Variants in RAPGEF1 observed in about 807,000 individuals in gnomAD.
The protein encoded by RAPGEF1 is CRK SH3-binding GNRP.
Under a neutral mutation model 143.3 loss-of-function variants are expected in RAPGEF1, and 33 were observed. The observed-to-expected ratio is 0.23, with a 90% CI of 0.17 to 0.31. The LOEUF is 0.31. Ranked by LOEUF, RAPGEF1 falls within the 10% of genes least tolerant of loss-of-function variation. RAPGEF1 has a pLI of 1.00. For synonymous variants in RAPGEF1, 629 were observed against 676.5 expected, an observed-to-expected ratio of 0.93 and a Z score of 1.09; for missense variants, 1,199 against 1,645.4, an observed-to-expected ratio of 0.73 and a Z score of 4.69.
At chr9:131,700,506 C>G (rs1589047737) in intron 1 of RAPGEF1, among the ~76,000 whole-genome samples, 1 of 152,164 alleles carries the variant, frequency 6.6e-6, no homozygotes, top group African/African-American at 2.4e-5. Flanking sequence ...TCTTATTTTC[C>G]TCATTAGGTA....
chr9:131,579,447 A>C lies in RAPGEF1; in HGVS notation c.*50T>G. The C allele has an allele frequency of 6.3e-7, 1 of 1,598,908 alleles. No homozygotes were observed. Among genetic ancestry groups the C allele is most frequent in the Non-Finnish European group, 8.5e-7 (1 of 1,171,318 alleles). On this transcript the variant is annotated 3_prime_UTR_variant, in exon 27 of 27. Transcript: ENST00000683357. ...GGTCCAAGGTCCTCTCCGGTCTGGG[A>C]GCTGCCCTCTGCGCCCCTCGAGCAT...
intron 16 of RAPGEF1, among the ~76,000 whole-genome samples, chr9:131,597,547 T>G (rs569608281): frequency 2.6e-5 from 4 of 152,304 alleles, no homozygotes; most frequent in Non-Finnish European, 5.9e-5. Context: ...GGGCCAAGGC[T>G]GCTTTATGAA....
chr9:131,727,356 G>C (rs1261237247), intron 1 of RAPGEF1, among the ~76,000 whole-genome samples: 1 of 152,074 alleles, frequency 6.6e-6, no homozygotes, highest in African/African-American at 2.4e-5. Flanking sequence ...TTCTCCCTGG[G>C]GACAAGGTCC....
In RAPGEF1 at chr9:131,604,001, G is replaced by A. The variant is rs1408491504; in HGVS notation, c.2372C>T (p.Ser791Phe). The change falls in exon 14 of 27, where the codon TCC (serine) becomes TTC (phenylalanine). Residue 791 changes from serine to phenylalanine, a missense_variant. This residue lies in a region of RAPGEF1 where 293 missense variants were observed against 356.2 expected (regional missense o/e 0.82). Coordinates refer to ENST00000683357, the MANE Select transcript of RAPGEF1 (RefSeq NM_001377935.1). ...AGEGEYVNLY[S>F]SGQSSEELAP... is the part of the protein sequence containing the mutation. ...CAGCTCCTCGCTGCTCTGGCCAGAG[G>A]AATACAGATTGACATATTCACCCTC... is the stretch of plus-strand genomic sequence containing the variant. The A allele has an allele frequency of 1.5e-6, 2 of 1,340,648 alleles. No individual in the cohort carries two copies. The highest frequency in any genetic ancestry group is 4.0e-5 in the Admixed American group (2 of 49,840). 83.0% of individuals were successfully genotyped at this position (1,340,648 alleles called of 1,614,324 possible). A position where few individuals can be genotyped will look rare whatever the true frequency, so the allele number is the denominator to read the frequency against.
chr9:131,693,945 TTC>T (rs368109010), intron 1 of RAPGEF1, among the ~76,000 whole-genome samples: 8 of 149,884 alleles, frequency 5.3e-5, no homozygotes, highest in East Asian at 2.0e-4. Flanking sequence ...CTCAATCAGT[TTC>T]TCTCTCTCTC....
At chr9:131,669,674 T>G (rs1273662855) in intron 1 of RAPGEF1, among the ~76,000 whole-genome samples, 1 of 152,104 alleles carries the variant, frequency 6.6e-6, no homozygotes, top group Non-Finnish European at 1.5e-5. Context: ...TGCAGAGGGC[T>G]GGGATAGAAG....
At chr9:131,692,040 T>C (rs1186488535) in intron 1 of RAPGEF1, among the ~76,000 whole-genome samples, 2 of 152,246 alleles carry the variant, frequency 1.3e-5, no homozygotes, top group African/African-American at 4.8e-5. Flanking sequence ...TTAAGTTCAA[T>C]ATGAGTCTGC....
intron 12 of RAPGEF1, among the ~76,000 whole-genome samples, chr9:131,607,614 CTG>C (rs1410428128): frequency 3.3e-5 from 5 of 152,132 alleles, no homozygotes; most frequent in Admixed American, 3.3e-4. Context: ...CCTTGTATGA[CTG>C]TTTCAGGGAG....
chr9:131,594,873 G>A (rs1018656650), intron 17 of RAPGEF1, among the ~76,000 whole-genome samples: 13 of 152,200 alleles, frequency 8.5e-5, no homozygotes, highest in East Asian at 1.9e-4. Flanking sequence ...CTTTGGAGCC[G>A]AGGTCTGAAG....
At position 131,739,798 on chromosome 9, in the gene RAPGEF1, C is replaced by A; in HGVS notation, c.33G>T (p.Pro11=). ...CTTTCTCGATCTTGCCGGACATTTCCGGGCTGCGCCGGAGGCCGAGGCCGC... is the reference window on the plus strand; with the variant it reads ...CTTTCTCGATCTTGCCGGACATTTCAGGGCTGCGCCGGAGGCCGAGGCCGC... MSGGLGLRRS[P]EMSGKIEKAD... Residue 11 remains proline, a synonymous_variant, in exon 1 of 27, where the codon CCG becomes CCT. Coordinates refer to ENST00000683357, the MANE Select transcript of RAPGEF1 (RefSeq NM_001377935.1). 1 of 1,160,218 alleles carries A rather than the reference C, an allele frequency of 8.6e-7. No homozygotes were observed. Among genetic ancestry groups the A allele is most frequent in the Non-Finnish European group, 1.1e-6 (1 of 924,694 alleles). The allele number at this position is 1,160,218 out of a possible 1,614,324, so 71.9% of individuals were successfully genotyped here.
intron 5 of RAPGEF1, among the ~76,000 whole-genome samples, chr9:131,636,380 T>G (rs1966379920): frequency 6.6e-6 from 1 of 152,258 alleles, no homozygotes; most frequent in Non-Finnish European, 1.5e-5. Context: ...TGTGGAAAAG[T>G]TATTTGCTCT....
chr9:131,715,508 G>C (rs1835798723), intron 1 of RAPGEF1, among the ~76,000 whole-genome samples: 1 of 152,074 alleles, frequency 6.6e-6, no homozygotes, highest in Non-Finnish European at 1.5e-5. Context: ...CAAACCACGT[G>C]TTCATTCTTC....
intron 3 of RAPGEF1, among the ~76,000 whole-genome samples, chr9:131,648,242 T>C (rs1564618278): frequency 1.3e-5 from 2 of 151,968 alleles, no homozygotes; most frequent in Admixed American, 1.3e-4. Context: ...AATACAAAAA[T>C]TAGCCAGGCG....
At position 131,598,183 on chromosome 9, in the gene RAPGEF1, C is replaced by T; in HGVS notation, c.2613+16G>A. On this transcript the variant is annotated intron_variant, in intron 16 of 26. Coordinates refer to ENST00000683357, the MANE Select transcript of RAPGEF1 (RefSeq NM_001377935.1). ...GTGGGGCCAGGCTGCAAAGCCCCAG[C>T]CCGGGAAGTTCTCACCTCCTGCTTG... 6.2e-7 allele frequency: 1 copy of T among 1,608,528 alleles called. No individual in the cohort carries two copies. The highest frequency in any genetic ancestry group is 8.5e-7 in the Non-Finnish European group (1 of 1,175,268).
chr9:131,731,602 G>C (rs1359973051), intron 1 of RAPGEF1, among the ~76,000 whole-genome samples: 1 of 152,138 alleles, frequency 6.6e-6, no homozygotes, highest in Non-Finnish European at 1.5e-5. Flanking sequence ...TACAGTGTGT[G>C]GCTGGGAATC....
chr9:131,733,639 G>A (rs560702355), intron 1 of RAPGEF1, among the ~76,000 whole-genome samples: 8 of 152,248 alleles, frequency 5.3e-5, no homozygotes, highest in South Asian at 4.2e-4. Flanking sequence ...GGGGCAAGAC[G>A]GGTGACGAGT....
At chr9:131,720,305 C>T (rs1054975224) in intron 1 of RAPGEF1, among the ~76,000 whole-genome samples, 5 of 152,158 alleles carry the variant, frequency 3.3e-5, no homozygotes, top group Admixed American at 2.0e-4. Context: ...TTCTTTGTTA[C>T]GTCATCATCA....
chr9:131,734,949 A>G (rs1240444109), intron 1 of RAPGEF1, among the ~76,000 whole-genome samples: 1 of 152,260 alleles, frequency 6.6e-6, no homozygotes, highest in Non-Finnish European at 1.5e-5. Context: ...AACTGCTCCA[A>G]GGTGACAGGA....
intron 16 of RAPGEF1, 56 bp from the exon 17 acceptor site, chr9:131,596,429 A>G: frequency 6.4e-7 from 1 of 1,556,796 alleles, no homozygotes; most frequent in Non-Finnish European, 8.9e-7. Flanking sequence ...TCAGAGAATC[A>G]GTTTAGGAAG....
Sources: allele counts gnomAD v4.1 joint callset (sites outside exome capture counted in the v4.1 genomes callset), GRCh38; gene constraint gnomAD v4.1.1; regional missense constraint gnomAD v4.1.1; transcripts MANE v1.5; gene names NCBI Gene and HGNC (gene_info 2026-07-23, HGNC 2026-07-21).